HS3ST6: variants seen among roughly 807,000 people sequenced by gnomAD.
HS3ST6 encodes heparan sulfate-glucosamine 3-sulfotransferase 6.
HS3ST6 carries 13 observed loss-of-function variants against 11.0 expected under a neutral mutation model. That is an observed-to-expected ratio of 1.18 (90% CI 0.77 to 1.88). HS3ST6 has a LOEUF of 1.88. HS3ST6 is among the 40% of genes most tolerant of loss of function. The probability of loss-of-function intolerance (pLI) is 0.00; values close to 1 mark genes in which losing one functional copy is unlikely to be tolerated. For synonymous variants in HS3ST6, 232 were observed against 230.6 expected (o/e 1.01, Z -0.06); for missense variants, 541 against 494.4 (o/e 1.09, Z -0.89).
intron 1 of HS3ST6, among the ~76,000 whole-genome samples, chr16:1,913,904 C>T (rs2150844224): frequency 6.6e-6 from 1 of 152,230 alleles, no homozygotes; most frequent in African/African-American, 2.4e-5. Context: ...AGGCTTCCCC[C>T]ACAACACCCA....
upstream of HS3ST6, among the ~76,000 whole-genome samples, chr16:1,920,361 G>A (rs1373467624): frequency 2.4e-3 from 182 of 75,094 alleles, no homozygotes; most frequent in East Asian, 5.6e-3. Flanking sequence ...GAGTCCCCAC[G>A]GTCTCAGCTG....
Position 1,918,101 on chromosome 16 carries a change from C to A in HS3ST6, c.223G>T (p.Gly75Ter), listed in dbSNP as rs2082939093. 1 of 1,480,512 alleles carries A rather than the reference C, an allele frequency of 6.8e-7. No individual in the cohort carries two copies. Among genetic ancestry groups the A allele is most frequent in the Non-Finnish European group, 8.9e-7 (1 of 1,121,228 alleles). 91.7% of individuals were successfully genotyped at this position (1,480,512 alleles called of 1,614,324 possible). The change falls in exon 1 of 2, where the codon GGA becomes TGA. Residue 75 changes from glycine (G) to a stop codon, truncating the protein, a stop_gained. Transcript: ENST00000454677. LOFTEE classifies it high-confidence loss of function. This position sits in a 1 kb window ranked among gnomAD's most constrained non-coding sequence, Gnocchi z 6.0. ...CTGGCCAAAGGCAGGCCGGGTGCTC[C>A]CGGGCGGTGGACGGAGCTGGACGGC... ...SEPSSSVHRP[G>*]APGLPLASGP... is the part of the protein sequence containing the mutation.
Position 1,911,531 on chromosome 16 carries a change from C to A in HS3ST6, c.*59G>T. 1.4e-6 allele frequency: 2 copies of A among 1,476,148 alleles called. No individual in the cohort carries two copies. 91.4% of individuals were successfully genotyped at this position (1,476,148 alleles called of 1,614,324 possible). On this transcript the variant is annotated 3_prime_UTR_variant, in exon 2 of 2. Coordinates refer to ENST00000454677, the MANE Select transcript of HS3ST6 (RefSeq NM_001009606.4). Reference sequence around the variant, plus strand: ...CTCTCTGCCCAGCATGTGCACGCAGCCCGCTCTGGCCAGGCGAGCGGGTGT... The same window carrying A: ...CTCTCTGCCCAGCATGTGCACGCAGACCGCTCTGGCCAGGCGAGCGGGTGT...
Position 1,911,906 on chromosome 16 carries a change from T to C in HS3ST6, c.713A>G (p.Tyr238Cys). The C allele has an allele frequency of 6.2e-7, 1 of 1,602,788 alleles. No individual in the cohort carries two copies. The part of the protein sequence containing the change: ...YAQHLDHWLR[Y>C]FPLSHFLFVS... ...GAACAGGAAGTGGGACAGGGGGAAG[T>C]AGCGCAGCCAGTGGTCCAGGTGCTG... The change falls in exon 2 of 2, where the codon TAC (tyrosine) becomes TGC (cysteine). Residue 238 changes from tyrosine (Y) to cysteine (C), a missense_variant. Transcript: ENST00000454677.
intron 1 of HS3ST6, among the ~76,000 whole-genome samples, chr16:1,913,687 G>A (rs1416513647): frequency 3.9e-5 from 6 of 152,168 alleles, no homozygotes; most frequent in South Asian, 2.1e-4. Flanking sequence ...CCCCAGGACC[G>A]GCCCCTGCCA....
chr16:1,917,156 G>C (rs1321936753), intron 1 of HS3ST6, among the ~76,000 whole-genome samples: 2 of 152,206 alleles, frequency 1.3e-5, no homozygotes, highest in Non-Finnish European at 2.9e-5. Context: ...GGAGCACCTG[G>C]AGAAGCGTCT....
rs2082937811 is a variant in HS3ST6 at position 1,917,953 on chromosome 16, T to TGG, written c.369_370dup (p.His124ProfsTer18). ...GCGCTCGTAGCACCTGTCGAAGAAG[T>TGG]GGGGCTCAGAGCCCAGCGCGCGGAC... is the stretch of plus-strand genomic sequence containing the variant. On this transcript the variant is annotated frameshift_variant, in exon 1 of 2. Transcript: ENST00000454677. LOFTEE classifies it low-confidence loss of function (END_TRUNC). 1 of 1,514,570 alleles carries TGG rather than the reference T, an allele frequency of 6.6e-7. No homozygotes were observed. Among genetic ancestry groups the TGG allele is most frequent in the East Asian group, 2.7e-5 (1 of 37,412 alleles). The allele number at this position is 1,514,570 out of a possible 1,614,324, so 93.8% of individuals were successfully genotyped here. A position where few individuals can be genotyped will look rare whatever the true frequency, so the allele number is the denominator to read the frequency against.
At chr16:1,917,136 C>T (rs1371828513) in intron 1 of HS3ST6, among the ~76,000 whole-genome samples, 1 of 152,174 alleles carries the variant, frequency 6.6e-6, no homozygotes, top group Non-Finnish European at 1.5e-5. Context: ...GGATCGGGAA[C>T]GGAGAAACTG....
chr16:1,911,918 T>C lies in HS3ST6; in HGVS notation c.701A>G (p.His234Arg), dbSNP rs1220335088. The change falls in exon 2 of 2, where the codon CAC (histidine) becomes CGC (arginine). Residue 234 changes from histidine to arginine, a missense_variant. Coordinates refer to ENST00000454677, the MANE Select transcript of HS3ST6 (RefSeq NM_001009606.4). Reference sequence around the variant, plus strand: ...GGACAGGGGGAAGTAGCGCAGCCAGTGGTCCAGGTGCTGGGCGTACAGGCC... The same window carrying C: ...GGACAGGGGGAAGTAGCGCAGCCAGCGGTCCAGGTGCTGGGCGTACAGGCC... The part of the protein sequence containing the change: ...RIGLYAQHLD[H>R]WLRYFPLSHF... 6.2e-7 allele frequency: 1 copy of C among 1,600,880 alleles called. No individual in the cohort carries two copies. Among genetic ancestry groups the C allele is most frequent in the Non-Finnish European group, 8.5e-7 (1 of 1,172,346 alleles).
upstream of HS3ST6, among the ~76,000 whole-genome samples, chr16:1,918,758 C>G (rs548584187): frequency 1.3e-4 from 20 of 152,276 alleles, no homozygotes; most frequent in Admixed American, 5.2e-4. This position sits in a 1 kb window ranked among gnomAD's most constrained non-coding sequence, Gnocchi z 6.0. Context: ...CCCTTCCCCC[C>G]CCACCCCACT....
Position 1,917,939 on chromosome 16 carries a change from AC to A in HS3ST6, c.384del (p.Arg128SerfsTer13). The A allele has an allele frequency of 6.6e-7, 1 of 1,504,090 alleles. No individual in the cohort carries two copies. The highest frequency in any genetic ancestry group is 8.8e-7 in the Non-Finnish European group (1 of 1,130,418). 93.2% of individuals were successfully genotyped at this position (1,504,090 alleles called of 1,614,324 possible). A position where few individuals can be genotyped will look rare whatever the true frequency, so the allele number is the denominator to read the frequency against. ...ALGSEPHFFD[R>X]CYERGLAWYR... Reference sequence around the variant, plus strand: ...TACCAGGCGAGGCCGCGCTCGTAGCACCTGTCGAAGAAGTGGGGCTCAGAGC... The same window carrying A: ...TACCAGGCGAGGCCGCGCTCGTAGCACTGTCGAAGAAGTGGGGCTCAGAGC... On this transcript the variant is annotated frameshift_variant, in exon 1 of 2. Coordinates refer to ENST00000454677, the MANE Select transcript of HS3ST6 (RefSeq NM_001009606.4). LOFTEE classifies it low-confidence loss of function (END_TRUNC).
chr16:1,919,286 C>T (rs1334251163), upstream of HS3ST6, among the ~76,000 whole-genome samples: 1 of 152,202 alleles, frequency 6.6e-6, no homozygotes, highest in Non-Finnish European at 1.5e-5. Flanking sequence ...AGCCCAGGAC[C>T]TCCCCCAGGG....
chr16:1,913,811 C>T (rs1401631269), intron 1 of HS3ST6, among the ~76,000 whole-genome samples: 1 of 152,168 alleles, frequency 6.6e-6, no homozygotes, highest in Non-Finnish European at 1.5e-5. Flanking sequence ...CCAGAGGCAG[C>T]TGCACAGACC....
rs978737853 is a variant in HS3ST6, at chr16:1,911,526, C to G, written c.*64G>C. On this transcript the variant is annotated 3_prime_UTR_variant, in exon 2 of 2. Transcript: ENST00000454677. The stretch of plus-strand genomic sequence containing the variant: ...TATTCCTCTCTGCCCAGCATGTGCA[C>G]GCAGCCCGCTCTGGCCAGGCGAGCG... 15 of 1,459,738 alleles carry G rather than the reference C, an allele frequency of 1.0e-5. No individual in the cohort carries two copies. The highest frequency in any genetic ancestry group is 2.8e-5 in the African/African-American group (2 of 70,368). The allele number at this position is 1,459,738 out of a possible 1,614,324, so 90.4% of individuals were successfully genotyped here.
Position 1,912,347 on chromosome 16 carries a change from C to A in HS3ST6, c.414-142G>T, listed in dbSNP as rs1032723636. On this transcript the variant is annotated intron_variant, in intron 1 of 1. Coordinates refer to ENST00000454677, the MANE Select transcript of HS3ST6 (RefSeq NM_001009606.4). This position sits in a 1 kb window ranked among gnomAD's most constrained non-coding sequence, Gnocchi z 5.6. ...AGTCTTCCTCCCTGCTCGGGCCCAC[C>A]CCTGCTAGCGTGCGCGGCTGGGCAG... 1.3e-5 allele frequency: 10 copies of A among 755,054 alleles called. No individual in the cohort carries two copies. Among genetic ancestry groups the A allele is most frequent in the Non-Finnish European group, 1.8e-5 (10 of 546,910 alleles). 46.8% of individuals were successfully genotyped at this position (755,054 alleles called of 1,614,324 possible). A position where few individuals can be genotyped will look rare whatever the true frequency, so the allele number is the denominator to read the frequency against.
At chr16:1,917,813 G>T in intron 1 of HS3ST6, 98 bp downstream of exon 1, 1 of 1,013,890 alleles carries the variant, frequency 9.9e-7, no homozygotes, top group South Asian at 2.4e-5. Context: ...GCGCACCCCT[G>T]CTCCCTGGGA....
chr16:1,917,678 G>C (rs1489718252), intron 1 of HS3ST6, among the ~76,000 whole-genome samples: 1 of 152,172 alleles, frequency 6.6e-6, no homozygotes, highest in African/African-American at 2.4e-5. Context: ...GAACGGAACC[G>C]GGGCTTTCCC....
At chr16:1,918,892 A>C (rs1187063587), upstream of HS3ST6, among the ~76,000 whole-genome samples, 1 of 152,140 alleles carries the variant, frequency 6.6e-6, no homozygotes, top group African/African-American at 2.4e-5. The surrounding 1 kb of genome is among the most constrained non-coding windows in gnomAD (Gnocchi z 6.0). Context: ...AGGGAGAAAG[A>C]GGCCGGGACA....
intron 1 of HS3ST6, among the ~76,000 whole-genome samples, chr16:1,916,670 G>A (rs185634326): frequency 6.5e-4 from 99 of 152,144 alleles, no homozygotes; most frequent in African/African-American, 2.2e-3. Flanking sequence ...GGGGCTCAGG[G>A]GTGGCTCTGA....
Sources: gnomAD v4.1 joint callset for allele counts (sites outside exome capture counted in the v4.1 genomes callset) on GRCh38, gnomAD v4.1.1 for gene constraint, Gnocchi (gnomAD v3.1) non-coding constraint, MANE v1.5 for transcripts, NCBI Gene and HGNC (gene_info 2026-07-23, HGNC 2026-07-21) for gene names.